MAN2B1: variants seen among roughly 807,000 people sequenced by gnomAD.
MAN2B1 encodes lysosomal alpha-mannosidase.
MAN2B1 carries 99 observed loss-of-function variants against 127.5 expected under a neutral mutation model. The ratio of observed to expected loss-of-function variants is 0.78; its 90% confidence interval spans 0.66 to 0.92. The LOEUF is 0.92. Ranked by LOEUF, MAN2B1 falls within the 40% of genes least tolerant of loss-of-function variation. The pLI is 0.00. For missense variants in MAN2B1, 1,304 were observed against 1,384.8 expected, an observed-to-expected ratio of 0.94 and a Z score of 0.93; for synonymous variants, 573 against 568.8, an observed-to-expected ratio of 1.01 and a Z score of -0.11.
rs780830323 is a variant in MAN2B1, at chr19:12,652,136, C to T, written c.2046+17G>A. ...TCCCCATTCCCAACTGCCCACTCAT[C>T]ATTCCTAGTCCCTGACCTTCACCAG... On this transcript the variant is annotated intron_variant, in intron 16 of 23. Coordinates refer to ENST00000456935, the MANE Select transcript of MAN2B1 (RefSeq NM_000528.4). 3 of 1,601,036 alleles carry T rather than the reference C, an allele frequency of 1.9e-6. No individual in the cohort carries two copies. Among genetic ancestry groups the T allele is most frequent in the Non-Finnish European group, 2.6e-6 (3 of 1,168,164 alleles).
Position 12,665,090 on chromosome 19 carries a change from C to T in MAN2B1, c.437-105G>A, listed in dbSNP as rs538003684. The stretch of plus-strand genomic sequence containing the variant: ...AGCCTGCCTGTGTACACATTTCTGG[C>T]GGAAGGACAAGAGGGGTCGCTCCCA... On this transcript the variant is annotated intron_variant, in intron 3 of 23. Transcript: ENST00000456935. 21 of 1,203,890 alleles carry T rather than the reference C, an allele frequency of 1.7e-5. 1 individual carries two copies. Among genetic ancestry groups the T allele is most frequent in the South Asian group, 2.5e-5 (2 of 81,412 alleles). The allele number at this position is 1,203,890 out of a possible 1,614,324, so 74.6% of individuals were successfully genotyped here.
chr19:12,647,728 G>C lies in MAN2B1; in HGVS notation c.2665-130C>G, dbSNP rs2145222818. 1.3e-6 allele frequency: 1 copy of C among 742,668 alleles called. No homozygotes were observed. Among genetic ancestry groups the C allele is most frequent in the South Asian group, 1.8e-5 (1 of 55,474 alleles). 46.0% of individuals were successfully genotyped at this position (742,668 alleles called of 1,614,324 possible). ...TTTCGCCGGAGAGGGGCAAGGCTCA[G>C]CCGAGAGGAGCGGCCAGGGCCGTGA... On this transcript the variant is annotated intron_variant, in intron 21 of 23. Coordinates refer to ENST00000456935, the MANE Select transcript of MAN2B1 (RefSeq NM_000528.4). This position sits in a 1 kb window ranked among gnomAD's most constrained non-coding sequence, Gnocchi z 4.9.
At chr19:12,653,478 G>T (rs945327882) in intron 14 of MAN2B1, among the ~76,000 whole-genome samples, 2 of 151,748 alleles carry the variant, frequency 1.3e-5, no homozygotes, top group Non-Finnish European at 2.9e-5. Context: ...TTTTTTTAGG[G>T]CCGAGCGTGG....
In MAN2B1 at chr19:12,648,269, C is replaced by G; in HGVS notation, c.2570G>C (p.Arg857Pro). ...CAGGACCTCCTGCTCCGCCAGGAGC[C>G]GGTGTCCGGCGGCTGCAGCCTGGGC... ...DTAQAAAAGH[R>P]LLAEQEVLAP... is the part of the protein sequence containing the mutation. Residue 857 changes from arginine to proline, a missense_variant, in exon 21 of 24, where the codon CGG (arginine) becomes CCG (proline). Arg to Pro is a moderately radical substitution (Grantham distance 103). Coordinates refer to ENST00000456935, the MANE Select transcript of MAN2B1 (RefSeq NM_000528.4). The G allele has an allele frequency of 3.7e-6, 6 of 1,607,752 alleles. No individual in the cohort carries two copies. The highest frequency in any genetic ancestry group is 1.1e-5 in the South Asian group (1 of 90,656).
At position 12,647,340 on chromosome 19, in the gene MAN2B1, G is replaced by A. The variant is rs761870446; in HGVS notation, c.2821-5C>T. On this transcript the variant is annotated splice_region_variant and splice_polypyrimidine_tract_variant and intron_variant, in intron 22 of 23. Coordinates refer to ENST00000456935, the MANE Select transcript of MAN2B1 (RefSeq NM_000528.4). The surrounding 1 kb of genome is among the most constrained non-coding windows in gnomAD (Gnocchi z 4.9). ...GGTGAAGGTGGAGAACAGGTCCTGC[G>A]GGGAAGGGGATGGGCCCAGATGAGT... The A allele has an allele frequency of 2.9e-5, 46 of 1,613,782 alleles. No homozygotes were observed. In the Middle Eastern group the frequency reaches 8.2e-4, roughly 29 times the overall value.
rs1230398007 is a variant in MAN2B1 at position 12,647,344 on chromosome 19, A to G, written c.2821-9T>C. 6.8e-6 allele frequency: 11 copies of G among 1,613,502 alleles called. No homozygotes were observed. Among genetic ancestry groups the G allele is most frequent in the Non-Finnish European group, 9.3e-6 (11 of 1,179,498 alleles). ...AAGGTGGAGAACAGGTCCTGCGGGG[A>G]AGGGGATGGGCCCAGATGAGTTGGG... On this transcript the variant is annotated splice_polypyrimidine_tract_variant and intron_variant, in intron 22 of 23. Transcript: ENST00000456935. This position sits in a 1 kb window ranked among gnomAD's most constrained non-coding sequence, Gnocchi z 4.9.
rs754785139 is a variant in MAN2B1, at chr19:12,652,211, C to A, written c.1988G>T (p.Arg663Ile). ...AGGCAGCGGTTTCTGTTGGTTGGGT[C>A]TGAAGATGTAGGCACCTGAGGCCTG... is the stretch of plus-strand genomic sequence containing the variant. The part of the protein sequence containing the change: ...SDQASGAYIF[R>I]PNQQKPLPVS... The change falls in exon 16 of 24, where the codon AGA becomes ATA. Residue 663 changes from arginine to isoleucine, a missense_variant. By Grantham distance (97) the Arg-to-Ile change is moderately conservative. Coordinates refer to ENST00000456935, the MANE Select transcript of MAN2B1 (RefSeq NM_000528.4). The A allele has an allele frequency of 1.2e-6, 2 of 1,614,168 alleles. No individual in the cohort carries two copies. Among genetic ancestry groups the A allele is most frequent in the East Asian group, 2.2e-5 (1 of 44,882 alleles).
intron 16 of MAN2B1, among the ~76,000 whole-genome samples, chr19:12,650,473 C>G (rs1378499637): frequency 6.6e-6 from 1 of 151,530 alleles, no homozygotes; most frequent in East Asian, 1.9e-4. Flanking sequence ...ATTCTCCTGC[C>G]TCAGCCTCCC....
In MAN2B1 at chr19:12,666,644, C is replaced by T; in HGVS notation, c.58G>A (p.Gly20Ser). The T allele has an allele frequency of 1.9e-6, 3 of 1,553,872 alleles. No individual in the cohort carries two copies. Among genetic ancestry groups the T allele is most frequent in the Non-Finnish European group, 2.6e-6 (3 of 1,148,814 alleles). The change falls in exon 1 of 24, where the codon GGC (glycine) becomes AGC (serine). Residue 20 changes from glycine to serine, a missense_variant. Coordinates refer to ENST00000456935, the MANE Select transcript of MAN2B1 (RefSeq NM_000528.4). ...VCARGCLDSAGPWTMSRALRP... is the reference protein window; with the variant it reads ...VCARGCLDSASPWTMSRALRP... ...AGGGCGCGGGACATGGTCCAGGGGC[C>T]TGCTGAGTCCAGGCAGCCGCGAGCG...
intron 10 of MAN2B1, 160 bp downstream of exon 10, chr19:12,657,903 C>T: frequency 1.0e-5 from 7 of 700,640 alleles, no homozygotes; most frequent in East Asian, 5.5e-5. Context: ...TGCAGTGAGC[C>T]GAGATCGCAC....
At chr19:12,649,633 C>A (rs1022793154) in intron 18 of MAN2B1, among the ~76,000 whole-genome samples, 4 of 151,872 alleles carry the variant, frequency 2.6e-5, no homozygotes, top group Non-Finnish European at 5.9e-5. Context: ...AGGTGCCCGC[C>A]ACCACACCCG....
chr19:12,663,580 T>G (rs2024158964), intron 5 of MAN2B1, 118 bp from the exon 6 acceptor site: 2 of 1,547,320 alleles, frequency 1.3e-6, no homozygotes, highest in Non-Finnish European at 1.7e-6. Flanking sequence ...CAAAAGGAAA[T>G]GCAGGGCCTT....
chr19:12,659,336 CTG>C (rs971609231), intron 7 of MAN2B1, among the ~76,000 whole-genome samples: 6 of 138,248 alleles, frequency 4.3e-5, no homozygotes, highest in African/African-American at 1.6e-4. Context: ...GAGTCTGACT[CTG>C]TCGCCCAAGC....
rs758097119 is a variant in MAN2B1 at position 12,658,412 on chromosome 19, C to T, written c.1109+16G>A. 6.2e-7 allele frequency: 1 copy of T among 1,614,226 alleles called. No homozygotes were observed. The highest frequency in any genetic ancestry group is 8.5e-7 in the Non-Finnish European group (1 of 1,180,042). On this transcript the variant is annotated intron_variant, in intron 8 of 23. Transcript: ENST00000456935. ...GGCATGCCAACCCCCCCAAGCTCCC[C>T]AGTTTCCCCAAATACCAGGTGAGGT... is the stretch of plus-strand genomic sequence containing the variant.
rs772264672 is a variant in MAN2B1 at position 12,649,426 on chromosome 19, C to T, written c.2270G>A (p.Arg757Gln). 1.2e-5 allele frequency: 19 copies of T among 1,597,432 alleles called. No individual in the cohort carries two copies. In the Admixed American group the frequency reaches 2.4e-4, roughly 20 times the overall value. Residue 757 changes from arginine (R) to glutamine (Q), a missense_variant and splice_region_variant, in exon 19 of 24, where the codon CGG (arginine) becomes CAG (glutamine). Arg to Gln is a conservative substitution (Grantham distance 43). Transcript: ENST00000456935. ...CAGTTTCCAGGTGGGTCGATAATCCCGCCTGGGGTTGGGGGTGAGCTGATC... is the reference window on the plus strand; with the variant it reads ...CAGTTTCCAGGTGGGTCGATAATCCTGCCTGGGGTTGGGGGTGAGCTGATC... The part of the protein sequence containing the change: ...SNGREILERR[R>Q]DYRPTWKLNQ...
Position 12,663,205 on chromosome 19 carries a change from C to G in MAN2B1, c.909+112G>C, listed in dbSNP as rs556176293. 7 of 1,325,748 alleles carry G rather than the reference C, an allele frequency of 5.3e-6. No individual in the cohort carries two copies. The Admixed American group carries it at 8.5e-5, about 16-fold the overall frequency. The allele number at this position is 1,325,748 out of a possible 1,614,324, so 82.1% of individuals were successfully genotyped here. ...CTCCAGCCTGGGTGACAGAGTAAGACTGTCTCAAAAAAATTAAAAATAAGG... is the reference window on the plus strand; with the variant it reads ...CTCCAGCCTGGGTGACAGAGTAAGAGTGTCTCAAAAAAATTAAAAATAAGG... On this transcript the variant is annotated intron_variant, in intron 6 of 23. Coordinates refer to ENST00000456935, the MANE Select transcript of MAN2B1 (RefSeq NM_000528.4).
In MAN2B1 at chr19:12,665,741, A is replaced by T. The variant is rs938995975; in HGVS notation, c.224T>A (p.Val75Glu). Residue 75 changes from valine (V) to glutamate (E), a missense_variant, in exon 2 of 24, where the codon GTG (valine) becomes GAG (glutamate). Transcript: ENST00000456935. Reference protein sequence around the residue: ...VHLLPHTHDDVGWLKTVDQYF... With the variant: ...VHLLPHTHDDEGWLKTVDQYF... ...CTGGTCCACGGTTTTGAGCCAGCCC[A>T]CGTCATCATGTGTGTGAGGCAGCAG... The T allele has an allele frequency of 6.2e-7, 1 of 1,614,182 alleles. No individual in the cohort carries two copies. The highest frequency in any genetic ancestry group is 1.7e-5 in the Admixed American group (1 of 60,020).
intron 7 of MAN2B1, among the ~76,000 whole-genome samples, chr19:12,660,237 G>A (rs566309814): frequency 3.9e-5 from 6 of 152,360 alleles, no homozygotes; most frequent in Non-Finnish European, 7.3e-5. Flanking sequence ...GCCACACAGT[G>A]GCTCACATCT....
chr19:12,650,324 T>G, intron 16 of MAN2B1, 102 bp from the exon 17 acceptor site: 2 of 749,806 alleles, frequency 2.7e-6, no homozygotes, highest in Admixed American at 1.7e-5. Context: ...AAGGCCTACA[T>G]CAAGGTCAAC....
Sources: allele counts gnomAD v4.1 joint callset (sites outside exome capture counted in the v4.1 genomes callset), GRCh38; gene constraint gnomAD v4.1.1; non-coding constraint Gnocchi (gnomAD v3.1); transcripts MANE v1.5; gene names NCBI Gene and HGNC (gene_info 2026-07-23, HGNC 2026-07-21).